PTPN14: variants seen among roughly 807,000 people sequenced by gnomAD.
PTPN14 encodes protein tyrosine phosphatase non-receptor type 14.
Under a neutral mutation model 126.8 loss-of-function variants are expected in PTPN14, and 53 were observed. That is an observed-to-expected ratio of 0.42 (90% CI 0.34 to 0.53). The LOEUF is 0.53. PTPN14 is among the 20% of genes least tolerant of loss of function. The pLI, the probability that PTPN14 is intolerant of heterozygous loss-of-function variation, is 0.08. For synonymous variants in PTPN14, 630 were observed against 599.3 expected, an observed-to-expected ratio of 1.05 and a Z score of -0.75; for missense variants, 1,257 against 1,552.9, an observed-to-expected ratio of 0.81 and a Z score of 3.20.
At position 214,451,785 on chromosome 1, in the gene PTPN14, CA is replaced by C. The variant is rs762793575; in HGVS notation, c.344+19del. The C allele has an allele frequency of 6.2e-7, 1 of 1,611,754 alleles. No homozygotes were observed. Among genetic ancestry groups the C allele is most frequent in the East Asian group, 2.2e-5 (1 of 44,896 alleles). On this transcript the variant is annotated intron_variant, in intron 3 of 18. Coordinates refer to ENST00000366956, the MANE Select transcript of PTPN14 (RefSeq NM_005401.5). ...TTAGTCAACACCCTTATATGGCACA[CA>C]GGGGGAAAATGCACCTACCTTGTGG...
intron 1 of PTPN14, among the ~76,000 whole-genome samples, chr1:214,509,284 T>C (rs1356764073): frequency 6.6e-6 from 1 of 152,256 alleles, no homozygotes; most frequent in African/African-American, 2.4e-5. Flanking sequence ...GATAACTTGC[T>C]GCAGCTTCTA....
intron 3 of PTPN14, among the ~76,000 whole-genome samples, chr1:214,439,626 G>A (rs1340069864): frequency 6.6e-6 from 1 of 152,130 alleles, no homozygotes; most frequent in Non-Finnish European, 1.5e-5. Context: ...GCTGTAAACC[G>A]AAACATGTTG....
At chr1:214,440,451 G>T (rs948906624) in intron 3 of PTPN14, among the ~76,000 whole-genome samples, 2 of 152,168 alleles carry the variant, frequency 1.3e-5, no homozygotes, top group Non-Finnish European at 2.9e-5. Flanking sequence ...CAGATATTGT[G>T]AGCAATAAAG....
chr1:214,490,747 G>C (rs1661211151), intron 1 of PTPN14, among the ~76,000 whole-genome samples: 1 of 149,740 alleles, frequency 6.7e-6, no homozygotes, highest in Non-Finnish European at 1.5e-5. Flanking sequence ...TACAGCAGAA[G>C]AATCACTTGA....
rs141247660 is a variant in PTPN14 at position 214,384,602 on chromosome 1, C to A, written c.1253G>T (p.Ser418Ile). 2 of 1,614,172 alleles carry A rather than the reference C, an allele frequency of 1.2e-6. No homozygotes were observed. Among genetic ancestry groups the A allele is most frequent in the Middle Eastern group, 1.6e-4 (1 of 6,062 alleles). The part of the protein sequence containing the change: ...PVSSNLSIPG[S>I]DIMRADYIPS... ...GATGTAGTCGGCCCGCATGATGTCA[C>A]TCCCAGGGATACTGAGGTTGGAGGA... The change falls in exon 13 of 19, where the codon AGT becomes ATT. Residue 418 changes from serine to isoleucine, a missense_variant. Coordinates refer to ENST00000366956, the MANE Select transcript of PTPN14 (RefSeq NM_005401.5). This position sits in a 1 kb window ranked among gnomAD's most constrained non-coding sequence, Gnocchi z 5.3.
At chr1:214,490,900 AAGG>A in intron 1 of PTPN14, among the ~76,000 whole-genome samples, 1 of 9,532 alleles carries the variant, frequency 1.0e-4, no homozygotes. Flanking sequence ...GAGGGGAGGG[AAGG>A]GGAAGGAAGG....
chr1:214,511,047 T>G (rs201772166), intron 1 of PTPN14, among the ~76,000 whole-genome samples: 1 of 135,382 alleles, frequency 7.4e-6, no homozygotes, highest in Non-Finnish European at 1.5e-5. Flanking sequence ...CCAAACTAAG[T>G]CTTTGGTTTT....
chr1:214,350,707 A>ATTTTTTTTTTTTTTTTTTTTTTTTTTTT lies in PTPN14; in HGVS notation c.*7214_*7215insAAAAAAAAAAAAAAAAAAAAAAAAAAAA, dbSNP rs56080046. The ATTTTTTTTTTTTTTTTTTTTTTTTTTTT allele has an allele frequency of 1.3e-5, 1 of 74,554 alleles. No individual in the cohort carries two copies. Among genetic ancestry groups the ATTTTTTTTTTTTTTTTTTTTTTTTTTTT allele is most frequent in the African/African-American group, 6.7e-5 (1 of 14,932 alleles). 4.6% of individuals were successfully genotyped at this position (74,554 alleles called of 1,614,324 possible). ...AGGCATGTGCCACCATGCCTGGCTA[A>ATTTTTTTTTTTTTTTTTTTTTTTTTTTT]TTTTTTTTTTTTTTTTTTTTTTTGT... On this transcript the variant is annotated 3_prime_UTR_variant, in exon 19 of 19. Transcript: ENST00000366956.
chr1:214,399,931 T>A (rs1406904356), intron 7 of PTPN14, among the ~76,000 whole-genome samples: 1 of 152,106 alleles, frequency 6.6e-6, no homozygotes, highest in African/African-American at 2.4e-5. Context: ...TTTGTAAGTA[T>A]CTTACTCCTT....
intron 1 of PTPN14, among the ~76,000 whole-genome samples, chr1:214,514,437 T>A (rs904906418): frequency 6.6e-6 from 1 of 152,182 alleles, no homozygotes; most frequent in Non-Finnish European, 1.5e-5. Context: ...ATTTGCCATA[T>A]AGACTTAGAG....
At chr1:214,389,272 G>C (rs1277624958) in intron 11 of PTPN14, among the ~76,000 whole-genome samples, 1 of 152,180 alleles carries the variant, frequency 6.6e-6, no homozygotes, top group Non-Finnish European at 1.5e-5. Flanking sequence ...TTTATGAACT[G>C]ACATAAATGA....
At chr1:214,485,788 C>T (rs1241760372) in intron 1 of PTPN14, among the ~76,000 whole-genome samples, 4 of 151,806 alleles carry the variant, frequency 2.6e-5, no homozygotes, top group Non-Finnish European at 4.4e-5. Flanking sequence ...TGCAGTGGCG[C>T]GATCTCAGCT....
chr1:214,410,813 T>C (rs994556650), intron 5 of PTPN14, among the ~76,000 whole-genome samples: 15 of 152,166 alleles, frequency 9.9e-5, no homozygotes, highest in African/African-American at 3.4e-4. Context: ...TTGGTCATTG[T>C]GCCTATTTTT....
intron 16 of PTPN14, among the ~76,000 whole-genome samples, chr1:214,371,578 G>A (rs1000737433): frequency 1.3e-5 from 2 of 152,188 alleles, no homozygotes; most frequent in Admixed American, 1.3e-4. Context: ...TAGGACATAA[G>A]CTCTATGGGG....
chr1:214,421,608 A>C (rs779590923), intron 3 of PTPN14, among the ~76,000 whole-genome samples: 3 of 152,214 alleles, frequency 2.0e-5, no homozygotes, highest in Non-Finnish European at 2.9e-5. Flanking sequence ...AATCAGAACA[A>C]AACACCCAAT....
intron 16 of PTPN14, among the ~76,000 whole-genome samples, chr1:214,370,639 C>G (rs1429900179): frequency 6.6e-6 from 1 of 152,208 alleles, no homozygotes; most frequent in Non-Finnish European, 1.5e-5. Flanking sequence ...CTGCTTACAT[C>G]ACCATTCTTT....
chr1:214,530,251 G>T (rs537887546), intron 1 of PTPN14: 1 of 152,044 alleles, frequency 6.6e-6, no homozygotes, highest in African/African-American at 2.4e-5. Flanking sequence ...CTCTTTGAGG[G>T]CAACACAGTG....
intron 11 of PTPN14, among the ~76,000 whole-genome samples, chr1:214,389,863 C>T (rs147734975): frequency 0.027 from 4,177 of 152,206 alleles, 79 homozygotes; most frequent in Non-Finnish European, 0.045. Flanking sequence ...TATTGGTACT[C>T]GGGGGAAAGC....
chr1:214,367,219 T>G (rs943350011), intron 17 of PTPN14, among the ~76,000 whole-genome samples: 2 of 152,138 alleles, frequency 1.3e-5, no homozygotes, highest in African/African-American at 4.8e-5. Context: ...TGAGCACTGT[T>G]AGGAGGAAAA....
Sources: allele counts gnomAD v4.1 joint callset (sites outside exome capture counted in the v4.1 genomes callset), GRCh38; gene constraint gnomAD v4.1.1; non-coding constraint Gnocchi (gnomAD v3.1); transcripts MANE v1.5; gene names NCBI Gene and HGNC (gene_info 2026-07-23, HGNC 2026-07-21).